Variants in GABRG3 observed in about 807,000 individuals in gnomAD.
GABRG3 encodes the protein gamma-aminobutyric acid type A receptor subunit gamma3.
In GABRG3, 25 loss-of-function variants were observed where a neutral mutation model predicts 48.8. The ratio of observed to expected loss-of-function variants is 0.51; its 90% CI spans 0.37 to 0.72. The LOEUF is 0.72. GABRG3 is among the 30% of genes least tolerant of loss of function. GABRG3 has a pLI of 0.00. For missense variants in GABRG3, 394 were observed against 577.9 expected, an observed-to-expected ratio of 0.68 and a Z score of 3.26; for synonymous variants, 227 against 217.6, an observed-to-expected ratio of 1.04 and a Z score of -0.38.
At chr15:27,202,963 T>C (rs1327705490) in intron 3 of GABRG3, among the ~76,000 whole-genome samples, 1 of 152,176 alleles carries the variant, frequency 6.6e-6, no homozygotes, top group Non-Finnish European at 1.5e-5. Flanking sequence ...GGTTACACAG[T>C]ACTTCTACTA....
chr15:27,460,495 G>A (rs1298836736), intron 5 of GABRG3, among the ~76,000 whole-genome samples: 2 of 152,254 alleles, frequency 1.3e-5, no homozygotes, highest in African/African-American at 2.4e-5. Context: ...AGTGGATTGT[G>A]AGCAGGAGTT....
chr15:27,180,659 G>C lies in GABRG3; in HGVS notation c.271-146150G>C, dbSNP rs1225889465. 6.6e-6 allele frequency among the ~76,000 whole-genome samples: 1 copy of C among 152,148 alleles called. No homozygotes were observed. The highest frequency in any genetic ancestry group is 1.5e-5 in the Non-Finnish European group (1 of 68,028). ...TGTGTGTGTCTGTCTGTGTGTGTTT[G>C]TGTGTGCACGCGCGCGCACCCCAGG... On this transcript the variant is annotated intron_variant, in intron 3 of 9. Coordinates refer to ENST00000615808, the MANE Select transcript of GABRG3 (RefSeq NM_033223.5). The surrounding 1 kb of genome is among the most constrained non-coding windows in gnomAD (Gnocchi z 4.2).
At chr15:27,446,064 A>G (rs1440007061) in intron 5 of GABRG3, among the ~76,000 whole-genome samples, 1 of 152,120 alleles carries the variant, frequency 6.6e-6, no homozygotes, top group Non-Finnish European at 1.5e-5. Flanking sequence ...CTAGGTTTGG[A>G]AATAAGAGAA....
intron 6 of GABRG3, among the ~76,000 whole-genome samples, chr15:27,498,811 T>G (rs569882401): frequency 4.6e-5 from 7 of 152,124 alleles, no homozygotes; most frequent in Non-Finnish European, 8.8e-5. Flanking sequence ...CGGCCAGATG[T>G]GGGTTCATCT....
chr15:27,408,064 T>C (rs1887690663), intron 5 of GABRG3, among the ~76,000 whole-genome samples: 1 of 152,134 alleles, frequency 6.6e-6, no homozygotes, highest in Non-Finnish European at 1.5e-5. Flanking sequence ...ATGGGGTATC[T>C]CTATAACTTT....
intron 3 of GABRG3, among the ~76,000 whole-genome samples, chr15:27,205,849 G>C (rs1336096524): frequency 1.3e-5 from 2 of 151,788 alleles, no homozygotes; most frequent in Non-Finnish European, 2.9e-5. Flanking sequence ...TTTCTAGTTT[G>C]TGTACATAGA....
At chr15:27,064,955 A>G (rs1896712649) in intron 3 of GABRG3, among the ~76,000 whole-genome samples, 1 of 152,246 alleles carries the variant, frequency 6.6e-6, no homozygotes, top group Admixed American at 6.5e-5. Context: ...CAATTGAGAC[A>G]CTAATTTTAG....
chr15:27,456,330 G>C (rs1375287918), intron 5 of GABRG3, among the ~76,000 whole-genome samples: 1 of 152,188 alleles, frequency 6.6e-6, no homozygotes, highest in East Asian at 1.9e-4. Context: ...ACAGATGAGA[G>C]AATGTCTGTG....
At position 26,977,146 on chromosome 15, in the gene GABRG3, T is replaced by G; in HGVS notation, c.198T>G (p.Ile66Met). 1 of 1,609,706 alleles carries G rather than the reference T, an allele frequency of 6.2e-7. No individual in the cohort carries two copies. Among genetic ancestry groups the G allele is most frequent in the African/African-American group, 1.3e-5 (1 of 74,718 alleles). ...ATGATAAAAAGCTGAGGCCAGATAT[T>G]GGAAGTGAGTGTTGTTTTTTGTTAT... ...REYDKKLRPD[I>M]GIKPTVIDVD... Residue 66 changes from isoleucine (I) to methionine (M), a missense_variant, in exon 2 of 10, where the codon ATT becomes ATG. Coordinates refer to ENST00000615808, the MANE Select transcript of GABRG3 (RefSeq NM_033223.5).
chr15:27,329,188 A>G (rs1893721537), intron 5 of GABRG3, among the ~76,000 whole-genome samples: 1 of 152,226 alleles, frequency 6.6e-6, no homozygotes, highest in African/African-American at 2.4e-5. Flanking sequence ...AGCTGTGCAT[A>G]CTATTTGGAA....
chr15:27,083,304 C>T (rs956512146), intron 3 of GABRG3, among the ~76,000 whole-genome samples: 12 of 150,562 alleles, frequency 8.0e-5, no homozygotes, highest in African/African-American at 2.9e-4. Flanking sequence ...TCTGAACCGA[C>T]AAGTGGTAAA....
chr15:27,393,582 C>G (rs1887213712), intron 5 of GABRG3, among the ~76,000 whole-genome samples: 1 of 152,140 alleles, frequency 6.6e-6, no homozygotes, highest in Non-Finnish European at 1.5e-5. Flanking sequence ...ATTCTAGCCT[C>G]CTCCCTTGTT....
At chr15:27,518,289 A>C (rs886682599) in intron 6 of GABRG3, among the ~76,000 whole-genome samples, 1 of 151,160 alleles carries the variant, frequency 6.6e-6, no homozygotes, top group Non-Finnish European at 1.5e-5. Context: ...GAATTGCTTG[A>C]ACCTGGAAGG....
chr15:27,053,924 G>C (rs1896496280), intron 3 of GABRG3, among the ~76,000 whole-genome samples: 1 of 152,182 alleles, frequency 6.6e-6, no homozygotes, highest in Non-Finnish European at 1.5e-5. Flanking sequence ...CTAAATTTTG[G>C]ATACACATGG....
intron 9 of GABRG3, among the ~76,000 whole-genome samples, chr15:27,531,327 C>A (rs1004767222): frequency 4.6e-5 from 7 of 152,224 alleles, no homozygotes; most frequent in Admixed American, 2.0e-4. Context: ...ACTTCCACCC[C>A]TCCCCGATTT....
intron 3 of GABRG3, among the ~76,000 whole-genome samples, chr15:27,042,239 C>T (rs1469520203): frequency 6.6e-6 from 1 of 152,208 alleles, no homozygotes; most frequent in Non-Finnish European, 1.5e-5. Context: ...CCCGAATCCC[C>T]ACCCTTCGTT....
intron 2 of GABRG3, among the ~76,000 whole-genome samples, chr15:26,982,732 C>T (rs1895077568): frequency 6.6e-6 from 1 of 152,148 alleles, no homozygotes; most frequent in Admixed American, 6.5e-5. Context: ...GTCATTTAGT[C>T]CTCATAAGTC....
chr15:27,074,026 G>A (rs1896869527), intron 3 of GABRG3, among the ~76,000 whole-genome samples: 4 of 152,220 alleles, frequency 2.6e-5, no homozygotes, highest in African/African-American at 9.6e-5. Flanking sequence ...AGGCAGGGAG[G>A]AGCAAGTCCC....
At chr15:27,306,746 A>G (rs1442844291) in intron 3 of GABRG3, among the ~76,000 whole-genome samples, 2 of 125,516 alleles carry the variant, frequency 1.6e-5, no homozygotes, top group African/African-American at 3.1e-5. Context: ...CATATACAAT[A>G]TAAACATGTT....
Sources: allele counts gnomAD v4.1 joint callset (sites outside exome capture counted in the v4.1 genomes callset), GRCh38; gene constraint gnomAD v4.1.1; non-coding constraint Gnocchi (gnomAD v3.1); transcripts MANE v1.5; gene names NCBI Gene and HGNC (gene_info 2026-07-23, HGNC 2026-07-21).